Variants in CNBD1 observed in about 807,000 individuals in gnomAD.
CNBD1 encodes the protein cyclic nucleotide-binding domain-containing protein 1.
Under a neutral mutation model 54.4 loss-of-function variants are expected in CNBD1, and 71 were observed. That is an observed-to-expected ratio of 1.30 (90% CI 1.08 to 1.59). The LOEUF (loss-of-function observed/expected upper bound fraction) is 1.59. CNBD1 is among the 40% of genes most tolerant of loss of function. The pLI, the probability that CNBD1 is intolerant of heterozygous loss-of-function variation, is 0.00. For missense variants in CNBD1, 659 were observed against 518.0 expected (o/e 1.27, Z -2.64); for synonymous variants, 182 against 170.7 (o/e 1.07, Z -0.51).
chr8:87,180,395 A>G (rs945400589), intron 4 of CNBD1, among the ~76,000 whole-genome samples: 1 of 152,146 alleles, frequency 6.6e-6, no homozygotes, highest in Non-Finnish European at 1.5e-5. Flanking sequence ...TTTCACCAAA[A>G]TAAGCCTAAT....
At chr8:87,356,875 T>C (rs1412944183) in intron 10 of CNBD1, among the ~76,000 whole-genome samples, 1 of 152,216 alleles carries the variant, frequency 6.6e-6, no homozygotes, top group Admixed American at 6.5e-5. Context: ...CAGGCCCAGA[T>C]GCCTAGGAGG....
chr8:86,933,330 T>G (rs981414761), intron 3 of CNBD1, among the ~76,000 whole-genome samples: 1 of 151,908 alleles, frequency 6.6e-6, no homozygotes, highest in Non-Finnish European at 1.5e-5. Flanking sequence ...CACTACAGAC[T>G]AGAAAAATGA....
intron 10 of CNBD1, among the ~76,000 whole-genome samples, chr8:87,361,384 C>G (rs1040792549): frequency 6.6e-6 from 1 of 151,438 alleles, no homozygotes; most frequent in African/African-American, 2.4e-5. Context: ...AGGAGATTAA[C>G]ATTACAAGGG....
chr8:86,911,429 C>A (rs1165532819), intron 3 of CNBD1, among the ~76,000 whole-genome samples: 1 of 152,038 alleles, frequency 6.6e-6, no homozygotes, highest in Non-Finnish European at 1.5e-5. Flanking sequence ...ATTATGGAAA[C>A]CTTTGTTAAA....
chr8:87,344,150 A>G (rs1810122854), intron 8 of CNBD1, among the ~76,000 whole-genome samples: 2 of 152,146 alleles, frequency 1.3e-5, no homozygotes, highest in Non-Finnish European at 2.9e-5. Flanking sequence ...AGGAAAAATA[A>G]TCAAGTTATT....
intron 3 of CNBD1, among the ~76,000 whole-genome samples, chr8:86,929,343 C>T (rs1356320952): frequency 6.6e-6 from 1 of 152,124 alleles, no homozygotes; most frequent in African/African-American, 2.4e-5. Context: ...TCTTTTTTCC[C>T]TTCTCAGTTC....
At chr8:87,424,226 G>C (rs1279698311) in intron 2 of CNBD1, among the ~76,000 whole-genome samples, 2 of 152,016 alleles carry the variant, frequency 1.3e-5, no homozygotes, top group Admixed American at 6.5e-5. Flanking sequence ...CAAAATACCA[G>C]CTCCTGGATT....
chr8:87,011,178 T>A (rs1338343674), intron 4 of CNBD1, among the ~76,000 whole-genome samples: 2 of 143,186 alleles, frequency 1.4e-5, no homozygotes, highest in South Asian at 4.3e-4. Flanking sequence ...TATTAGAGTT[T>A]GGTTTTTTTT....
At position 87,237,031 on chromosome 8, in the gene CNBD1, G is replaced by C. The variant is rs1358245845; in HGVS notation, c.690G>C (p.Gln230His). 1.2e-6 allele frequency: 2 copies of C among 1,612,112 alleles called. No individual in the cohort carries two copies. The highest frequency in any genetic ancestry group is 2.7e-5 in the African/African-American group (2 of 74,940). The change falls in exon 6 of 11, where the codon CAG (glutamine) becomes CAC (histidine). Residue 230 changes from glutamine (Q) to histidine (H), a missense_variant. By Grantham distance (24) the Gln-to-His change is conservative. Transcript: ENST00000518476. Reference sequence around the variant, plus strand: ...ATTCACCAGACTCGTTCATATCTCAGAGTTTCCACAGCTTCATTTGGAGTG... The same window carrying C: ...ATTCACCAGACTCGTTCATATCTCACAGTTTCCACAGCTTCATTTGGAGTG... ...GSDSPDSFISQSFHSFIWSEE... is the reference protein window; with the variant it reads ...GSDSPDSFISHSFHSFIWSEE...
rs1422701779 is a variant in CNBD1, at chr8:87,163,755, CA to C, written c.432-42233del. 3.3e-5 allele frequency among the ~76,000 whole-genome samples: 5 copies of C among 151,676 alleles called. No individual in the cohort carries two copies. Among genetic ancestry groups the C allele is most frequent in the African/African-American group, 4.8e-5 (2 of 41,380 alleles). ...TTTAAATATAAGATTATGTCATCTG[CA>C]AAAAGATAATTTTACTTTCTTATTT... is the stretch of plus-strand genomic sequence containing the variant. On this transcript the variant is annotated intron_variant, in intron 4 of 10. Transcript: ENST00000518476. The surrounding 1 kb of genome is among the most constrained non-coding windows in gnomAD (Gnocchi z 4.5).
chr8:87,335,794 T>C (rs1442128656), intron 8 of CNBD1, among the ~76,000 whole-genome samples: 2 of 152,200 alleles, frequency 1.3e-5, no homozygotes. Context: ...AGTTTCTTCA[T>C]AGTGTCACTG....
intron 4 of CNBD1, among the ~76,000 whole-genome samples, chr8:87,134,198 TATTG>T (rs1239682161): frequency 6.6e-6 from 1 of 152,188 alleles, no homozygotes; most frequent in Non-Finnish European, 1.5e-5. Flanking sequence ...TGAATGTAAT[TATTG>T]ACTGTCAAAT....
chr8:87,415,499 A>G (rs1807820161), intron 2 of CNBD1, among the ~76,000 whole-genome samples: 1 of 152,036 alleles, frequency 6.6e-6, no homozygotes, highest in Non-Finnish European at 1.5e-5. Context: ...ATAGATATGC[A>G]TCCTTGTAAT....
At chr8:87,129,025 G>GC (rs960447345) in intron 4 of CNBD1, among the ~76,000 whole-genome samples, 4 of 117,006 alleles carry the variant, frequency 3.4e-5, no homozygotes, top group Non-Finnish European at 6.5e-5. Flanking sequence ...AGCCGAGATC[G>GC]CCCCACTGTA....
intron 8 of CNBD1, among the ~76,000 whole-genome samples, chr8:87,346,059 G>A (rs1810169927): frequency 6.6e-6 from 1 of 151,478 alleles, no homozygotes; most frequent in Non-Finnish European, 1.5e-5. Context: ...TTTTGTGGGG[G>A]GGACAGAGTT....
chr8:87,219,534 T>C (rs541409361), intron 5 of CNBD1, among the ~76,000 whole-genome samples: 29 of 152,120 alleles, frequency 1.9e-4, no homozygotes, highest in African/African-American at 6.7e-4. Flanking sequence ...TATGTATATA[T>C]AGCCAGAATA....
chr8:87,087,205 C>T (rs1361999967), intron 4 of CNBD1, among the ~76,000 whole-genome samples: 1 of 143,856 alleles, frequency 7.0e-6, no homozygotes, highest in Non-Finnish European at 1.5e-5. Flanking sequence ...TAGTGAGGCA[C>T]TCCCCAGTAT....
At chr8:87,316,993 A>G (rs1304682313) in intron 8 of CNBD1, among the ~76,000 whole-genome samples, 1 of 151,796 alleles carries the variant, frequency 6.6e-6, no homozygotes, top group African/African-American at 2.4e-5. Context: ...GTGAGGCCTT[A>G]GATGAATTAC....
At chr8:86,943,365 CA>C (rs1158061860) in intron 4 of CNBD1, among the ~76,000 whole-genome samples, 994 of 32,568 alleles carry the variant, frequency 0.031, no homozygotes, top group African/African-American at 0.054. Context: ...GACTCCATCT[CA>C]AAAAAAAAAA....
Sources: gnomAD v4.1 joint callset for allele counts (sites outside exome capture counted in the v4.1 genomes callset) on GRCh38, gnomAD v4.1.1 for gene constraint, Gnocchi (gnomAD v3.1) non-coding constraint, MANE v1.5 for transcripts, NCBI Gene and HGNC (gene_info 2026-07-23, HGNC 2026-07-21) for gene names.